The following CNTLN variants were observed in gnomAD, a reference collection of about 807,000 sequenced individuals.
CNTLN encodes the protein centlein.
A neutral mutation model predicts 180.0 loss-of-function variants in CNTLN; 212 were observed. The ratio of observed to expected loss-of-function variants is 1.18; its 90% CI spans 1.05 to 1.32. The LOEUF (loss-of-function observed/expected upper bound fraction) is 1.32, where lower values mean the gene tolerates loss of function less well. Among genes scored for constraint, CNTLN ranks in the 40% most tolerant of loss-of-function variants. The pLI is 0.00. For synonymous variants in CNTLN, 722 were observed against 563.1 expected (o/e 1.28, Z -3.99); for missense variants, 2,095 against 1,610.9 (o/e 1.30, Z -5.14).
At chr9:17,239,329 G>C (rs1449623927) in intron 5 of CNTLN, among the ~76,000 whole-genome samples, 1 of 152,132 alleles carries the variant, frequency 6.6e-6, no homozygotes, top group Non-Finnish European at 1.5e-5. Context: ...ACTATCTTTG[G>C]AGAAATGTCT....
chr9:17,210,828 T>C (rs538771905), intron 2 of CNTLN, among the ~76,000 whole-genome samples: 3 of 152,344 alleles, frequency 2.0e-5, no homozygotes, highest in African/African-American at 7.2e-5. Flanking sequence ...TTTTTTCATG[T>C]GTCTGTTGGC....
Position 17,238,381 on chromosome 9 carries a change from C to T in CNTLN, c.849+1793C>T, listed in dbSNP as rs529750713. ...GTCCACATCATTTACTCAATACCCA[C>T]GGAAGCAGCAAGATTGTTCACTGAT... On this transcript the variant is annotated intron_variant, in intron 5 of 25. Transcript: ENST00000380647. 3.0e-4 allele frequency among the ~76,000 whole-genome samples: 45 copies of T among 152,230 alleles called. No homozygotes were observed. In the South Asian group the frequency reaches 7.3e-3, roughly 25 times the overall value.
chr9:17,278,993 A>G (rs755265204), intron 6 of CNTLN, among the ~76,000 whole-genome samples: 23 of 151,888 alleles, frequency 1.5e-4, no homozygotes, highest in Non-Finnish European at 2.8e-4. Context: ...AATTGAGGAG[A>G]TTATTACATC....
intron 7 of CNTLN, chr9:17,301,960 A>G: frequency 1.1e-6 from 1 of 949,584 alleles, no homozygotes; most frequent in Non-Finnish European, 1.3e-6. Context: ...AGATGGTCAT[A>G]TAATTTATTT....
chr9:17,403,801 A>C (rs950756789), intron 15 of CNTLN, among the ~76,000 whole-genome samples: 1 of 151,782 alleles, frequency 6.6e-6, no homozygotes, highest in Non-Finnish European at 1.5e-5. Context: ...TTTGAGACAG[A>C]GTCTCGCTCT....
At chr9:17,470,441 G>A (rs1831993438) in intron 23 of CNTLN, among the ~76,000 whole-genome samples, 1 of 151,998 alleles carries the variant, frequency 6.6e-6, no homozygotes, top group Middle Eastern at 3.4e-3. Flanking sequence ...AATAATGTTT[G>A]TTCTGGCCCT....
At chr9:17,202,407 T>G (rs780791207) in intron 2 of CNTLN, among the ~76,000 whole-genome samples, 10 of 151,354 alleles carry the variant, frequency 6.6e-5, no homozygotes, top group Non-Finnish European at 1.5e-4. Flanking sequence ...TTCTGTCTCA[T>G]TATTGACAGT....
intron 18 of CNTLN, among the ~76,000 whole-genome samples, chr9:17,433,282 T>C (rs2133992986): frequency 6.6e-6 from 1 of 152,098 alleles, no homozygotes; most frequent in South Asian, 2.1e-4. Flanking sequence ...TCTTCTATTT[T>C]TAGCTTTCTT....
the CNTLN span, among the ~76,000 whole-genome samples, chr9:17,512,247 A>C: frequency 6.6e-6 from 1 of 152,216 alleles, no homozygotes; most frequent in Non-Finnish European, 1.5e-5. Context: ...GCCAAAGTAG[A>C]ATAAGCCCTG....
In CNTLN at chr9:17,204,210, G is replaced by A. The variant is rs191220634; in HGVS notation, c.450-21993G>A. Among the ~76,000 whole-genome samples the A allele has an allele frequency of 1.7e-3, 265 of 152,274 alleles. 1 individual carries two copies. The highest frequency in any genetic ancestry group is 5.9e-3 in the African/African-American group (247 of 41,552). On this transcript the variant is annotated intron_variant, in intron 2 of 25. Coordinates refer to ENST00000380647, the MANE Select transcript of CNTLN (RefSeq NM_017738.4). ...TCCAGTTTTGTGCCTGTGGAGATGA[G>A]GAGTTGTGATCATTTGGAGAAGAGG...
At chr9:17,268,708 C>G (rs964830501) in intron 5 of CNTLN, among the ~76,000 whole-genome samples, 1 of 152,122 alleles carries the variant, frequency 6.6e-6, no homozygotes, top group Non-Finnish European at 1.5e-5. Context: ...AGCTTCAGGG[C>G]TGCTTTGTTT....
At position 17,340,065 on chromosome 9, in the gene CNTLN, G is replaced by A. The variant is rs190419332; in HGVS notation, c.1645-762G>A. Among the ~76,000 whole-genome samples the A allele has an allele frequency of 2.8e-3, 428 of 152,244 alleles. 3 individuals carry two copies. Among genetic ancestry groups the A allele is most frequent in the Non-Finnish European group, 5.4e-3 (370 of 68,020 alleles). ...CTAGCTACTTGGGAGGCTGACATGGGAAGATTGCCTGAGCCCAGGAGTTTG... is the reference window on the plus strand; with the variant it reads ...CTAGCTACTTGGGAGGCTGACATGGAAAGATTGCCTGAGCCCAGGAGTTTG... On this transcript the variant is annotated intron_variant, in intron 10 of 25. Transcript: ENST00000380647.
At chr9:17,353,498 G>C (rs1488513682) in intron 12 of CNTLN, among the ~76,000 whole-genome samples, 1 of 151,426 alleles carries the variant, frequency 6.6e-6, no homozygotes, top group Non-Finnish European at 1.5e-5. Context: ...TGTTTCTTTG[G>C]CCAGTTGTTT....
chr9:17,364,557 T>G (rs767787108), intron 12 of CNTLN, among the ~76,000 whole-genome samples: 1 of 152,206 alleles, frequency 6.6e-6, no homozygotes, highest in Non-Finnish European at 1.5e-5. Context: ...TTTTAAAAAC[T>G]CTAATGGTGA....
intron 18 of CNTLN, among the ~76,000 whole-genome samples, chr9:17,421,132 G>T (rs1477867815): frequency 6.6e-6 from 1 of 152,058 alleles, no homozygotes; most frequent in Non-Finnish European, 1.5e-5. Context: ...CTATCTGGAT[G>T]ATCTGTCCAT....
chr9:17,280,602 G>A (rs75305910), intron 6 of CNTLN, among the ~76,000 whole-genome samples: 4,657 of 152,218 alleles, frequency 0.031, 153 homozygotes, highest in East Asian at 0.18. Flanking sequence ...AAAGTAATTC[G>A]AGGTAATGCA....
intron 8 of CNTLN, among the ~76,000 whole-genome samples, chr9:17,319,638 C>A (rs1239657467): frequency 6.6e-6 from 1 of 152,116 alleles, no homozygotes; most frequent in Non-Finnish European, 1.5e-5. Context: ...TCTGTCAACT[C>A]AGTTTCAACA....
intron 15 of CNTLN, among the ~76,000 whole-genome samples, chr9:17,404,662 G>A (rs1433871908): frequency 1.3e-5 from 2 of 151,544 alleles, no homozygotes; most frequent in Non-Finnish European, 2.9e-5. Context: ...GCTGTCCTTG[G>A]CAGTGAAATT....
At chr9:17,489,648 C>T (rs1171966886) in intron 25 of CNTLN, among the ~76,000 whole-genome samples, 2 of 151,926 alleles carry the variant, frequency 1.3e-5, no homozygotes, top group Non-Finnish European at 1.5e-5. Context: ...GCTGTTCTTC[C>T]ATGTGGTAAT....
Sources: allele counts gnomAD v4.1 joint callset (sites outside exome capture counted in the v4.1 genomes callset), GRCh38; gene constraint gnomAD v4.1.1; transcripts MANE v1.5; gene names NCBI Gene and HGNC (gene_info 2026-07-23, HGNC 2026-07-21).